Variants in AP3D1 observed in about 807,000 individuals in gnomAD.
AP3D1 encodes the protein AP-3 complex subunit delta-1.
Under a neutral mutation model 147.6 loss-of-function variants are expected in AP3D1, and 51 were observed. The observed-to-expected ratio is 0.35, with a 90% CI of 0.28 to 0.44. AP3D1 has a LOEUF of 0.44. Among genes scored for constraint, AP3D1 ranks in the 20% least tolerant of loss-of-function variants. The pLI is 1.00. For missense variants in AP3D1, 1,421 were observed against 1,624.2 expected (o/e 0.87, Z 2.15); for synonymous variants, 760 against 663.0 (o/e 1.15, Z -2.25).
At chr19:2,126,747 G>A (rs1408501466) in intron 9 of AP3D1, among the ~76,000 whole-genome samples, 1 of 152,118 alleles carries the variant, frequency 6.6e-6, no homozygotes, top group African/African-American at 2.4e-5. Context: ...GCTGTCTCAG[G>A]AGTGCTTTAA....
chr19:2,120,737 C>G, intron 14 of AP3D1, 125 bp downstream of exon 14: 1 of 943,538 alleles, frequency 1.1e-6, no homozygotes. Flanking sequence ...ACCCACGGAC[C>G]TGCAAGACGG....
At chr19:2,148,232 G>C (rs2019414485) in intron 1 of AP3D1, among the ~76,000 whole-genome samples, 1 of 151,796 alleles carries the variant, frequency 6.6e-6, no homozygotes, top group Admixed American at 6.6e-5. Flanking sequence ...AATATTAAAA[G>C]TCGTTTGTTT....
intron 8 of AP3D1, among the ~76,000 whole-genome samples, chr19:2,128,045 T>A (rs2018808971): frequency 6.6e-6 from 1 of 152,214 alleles, no homozygotes; most frequent in African/African-American, 2.4e-5. Context: ...TGTGAATGTG[T>A]CCTTGTTGCC....
upstream of AP3D1, among the ~76,000 whole-genome samples, chr19:2,153,388 G>GC (rs1019360557): frequency 7.8e-5 from 11 of 141,800 alleles, no homozygotes; most frequent in East Asian, 2.1e-4. Context: ...AAGAAGTGGG[G>GC]GGGGGGACCG....
intron 1 of AP3D1, among the ~76,000 whole-genome samples, chr19:2,162,876 G>A (rs969922397): frequency 3.9e-5 from 6 of 151,966 alleles, no homozygotes; most frequent in African/African-American, 1.5e-4. Context: ...GGCAGGGAGG[G>A]TGTTGGTGTC....
chr19:2,115,480 C>G, intron 19 of AP3D1, 58 bp downstream of exon 19: 1 of 1,608,284 alleles, frequency 6.2e-7, no homozygotes, highest in Non-Finnish European at 8.5e-7. Flanking sequence ...GGGAGGGCGG[C>G]GGGAGCACCC....
intron 1 of AP3D1, among the ~76,000 whole-genome samples, chr19:2,144,256 G>T (rs944921284): frequency 1.3e-5 from 2 of 152,204 alleles, no homozygotes; most frequent in African/African-American, 4.8e-5. Flanking sequence ...CAGCATGAAA[G>T]GAGCTTCTCC....
chr19:2,154,138 G>C (rs1448458751), upstream of AP3D1, among the ~76,000 whole-genome samples: 1 of 152,012 alleles, frequency 6.6e-6, no homozygotes, highest in Non-Finnish European at 1.5e-5. Flanking sequence ...AGTAGAGACT[G>C]GGTTTCACCA....
At chr19:2,150,159 A>C (rs1018125086) in intron 1 of AP3D1, among the ~76,000 whole-genome samples, 1 of 152,216 alleles carries the variant, frequency 6.6e-6, no homozygotes, top group African/African-American at 2.4e-5. Context: ...GCCAGGAAGC[A>C]AGTCCCTTAA....
rs147664432 is a variant in AP3D1, at chr19:2,129,062, G to A, written c.806+28C>T. On this transcript the variant is annotated intron_variant, in intron 8 of 31. Transcript: ENST00000643116. ...ACACTGCACCCCGTGGAGCCGGCCC[G>A]CCCCCACCGCGCATGGCCTGCACTC... 38 of 1,535,214 alleles carry A rather than the reference G, an allele frequency of 2.5e-5. 1 individual carries two copies. In the African/African-American group the frequency reaches 3.7e-4, roughly 15 times the overall value.
At chr19:2,157,488 T>G (rs2019657284) in intron 1 of AP3D1, among the ~76,000 whole-genome samples, 1 of 142,384 alleles carries the variant, frequency 7.0e-6, no homozygotes. Context: ...ACCCCACCTA[T>G]CCAGCCAACC....
chr19:2,149,504 C>T (rs2238611), intron 1 of AP3D1, among the ~76,000 whole-genome samples: 73,770 of 149,464 alleles, frequency 0.49, 18,292 homozygotes, highest in African/African-American at 0.51. Context: ...GATCATGCCT[C>T]TGCACTCCGG....
At chr19:2,155,925 C>A (rs1293325216), upstream of AP3D1, among the ~76,000 whole-genome samples, 1 of 151,508 alleles carries the variant, frequency 6.6e-6, no homozygotes, top group Admixed American at 6.6e-5. Context: ...TGGTGGCGGG[C>A]GCCTGTAGTC....
chr19:2,160,783 G>A (rs940329924), intron 1 of AP3D1, among the ~76,000 whole-genome samples: 1 of 152,154 alleles, frequency 6.6e-6, no homozygotes, highest in Non-Finnish European at 1.5e-5. Context: ...GGAGAACCAC[G>A]GACATCAGGG....
At chr19:2,150,905 A>G (rs1383469801) in intron 1 of AP3D1, among the ~76,000 whole-genome samples, 1 of 152,080 alleles carries the variant, frequency 6.6e-6, no homozygotes, top group Non-Finnish European at 1.5e-5. Context: ...TCTCCCTCTG[A>G]GAGAGTAAAC....
chr19:2,111,224 C>T (rs1374206284), intron 26 of AP3D1, 61 bp downstream of exon 26: 25 of 1,599,376 alleles, frequency 1.6e-5, no homozygotes, highest in Non-Finnish European at 2.0e-5. Context: ...GGGTTCCGCG[C>T]GATCCCATGC....
chr19:2,130,625 A>C, intron 5 of AP3D1, 88 bp from the exon 6 acceptor site: 1 of 1,574,916 alleles, frequency 6.3e-7, no homozygotes, highest in Non-Finnish European at 8.6e-7. Flanking sequence ...CACAGAGAGG[A>C]GATGCCCTCC....
chr19:2,146,064 AT>A (rs2019348398), intron 1 of AP3D1, among the ~76,000 whole-genome samples: 1 of 151,968 alleles, frequency 6.6e-6, no homozygotes. Context: ...GCTTGAGTCC[AT>A]TCATAAAACG....
upstream of AP3D1, among the ~76,000 whole-genome samples, chr19:2,155,933 G>A (rs1364693096): frequency 6.6e-6 from 1 of 150,822 alleles, no homozygotes; most frequent in Non-Finnish European, 1.5e-5. Context: ...GGCGCCTGTA[G>A]TCCCAGCTAC....
Sources: allele counts gnomAD v4.1 joint callset (sites outside exome capture counted in the v4.1 genomes callset), GRCh38; gene constraint gnomAD v4.1.1; transcripts MANE v1.5; gene names NCBI Gene and HGNC (gene_info 2026-07-23, HGNC 2026-07-21).